Variants in SLC44A1 observed in about 807,000 individuals in gnomAD.
SLC44A1 encodes choline transporter-like protein 1.
In SLC44A1, 26 loss-of-function variants were observed where a neutral mutation model predicts 79.3. The ratio of observed to expected loss-of-function variants is 0.33; its 90% CI spans 0.24 to 0.46. The LOEUF (loss-of-function observed/expected upper bound fraction) is 0.46. Ranked by LOEUF, SLC44A1 falls within the 20% of genes least tolerant of loss-of-function variation. The pLI is 1.00. For missense variants in SLC44A1, 688 were observed against 798.1 expected (o/e 0.86, Z 1.66); for synonymous variants, 263 against 286.2 (o/e 0.92, Z 0.82).
chr9:105,375,706 T>G (rs1218042277), intron 13 of SLC44A1, among the ~76,000 whole-genome samples: 4 of 152,130 alleles, frequency 2.6e-5, no homozygotes, highest in African/African-American at 9.7e-5. Flanking sequence ...TATACTTTCC[T>G]TAGAAGTGTC....
chr9:105,308,470 G>A (rs180694503), intron 2 of SLC44A1, among the ~76,000 whole-genome samples: 2 of 152,190 alleles, frequency 1.3e-5, no homozygotes, highest in East Asian at 1.9e-4. Flanking sequence ...TTTTTACGAA[G>A]TATAGCTTCA....
chr9:105,272,427 G>A (rs1227108890), intron 1 of SLC44A1, among the ~76,000 whole-genome samples: 1 of 152,034 alleles, frequency 6.6e-6, no homozygotes, highest in Non-Finnish European at 1.5e-5. Flanking sequence ...AATCTTCAAT[G>A]CAGTGCTATG....
intron 15 of SLC44A1, among the ~76,000 whole-genome samples, chr9:105,411,528 C>G (rs1829095066): frequency 6.6e-6 from 1 of 150,376 alleles, no homozygotes; most frequent in African/African-American, 2.5e-5. Context: ...AGTTGTCCCA[C>G]TAATGTTCTT....
intron 1 of SLC44A1, among the ~76,000 whole-genome samples, chr9:105,276,058 G>T (rs570451451): frequency 1.3e-5 from 2 of 152,058 alleles, no homozygotes; most frequent in East Asian, 1.9e-4. Flanking sequence ...CGCCCACCTC[G>T]GTCTCCCAAA....
chr9:105,261,778 T>C lies in SLC44A1; in HGVS notation c.36+16874T>C, dbSNP rs1029639750. Among the ~76,000 whole-genome samples the C allele has an allele frequency of 4.1e-3, 535 of 131,562 alleles. 2 individuals are homozygous for C. The highest frequency in any genetic ancestry group is 0.017 in the African/African-American group (490 of 28,596). The allele number at this position is 131,562 out of a possible 152,430, so 86.3% of individuals were successfully genotyped here. A position where few individuals can be genotyped will look rare whatever the true frequency, so the allele number is the denominator to read the frequency against. Reference sequence around the variant, plus strand: ...GAATCTGTGTTTCTCTCTCTCTCTTTTTTTTTTTTTTTTTTTTTTGAGAGG... The same window carrying C: ...GAATCTGTGTTTCTCTCTCTCTCTTCTTTTTTTTTTTTTTTTTTTGAGAGG... On this transcript the variant is annotated intron_variant, in intron 1 of 15. Transcript: ENST00000374720.
chr9:105,291,065 A>G (rs1225742735), intron 1 of SLC44A1, among the ~76,000 whole-genome samples: 1 of 152,248 alleles, frequency 6.6e-6, no homozygotes, highest in Non-Finnish European at 1.5e-5. Context: ...AAATCCTATT[A>G]CAAGATTTTA....
At chr9:105,431,046 C>T (rs1381810605) in intron 15 of SLC44A1, among the ~76,000 whole-genome samples, 1 of 152,172 alleles carries the variant, frequency 6.6e-6, no homozygotes, top group Non-Finnish European at 1.5e-5. Context: ...TTCATACATT[C>T]ATATGATGAA....
At chr9:105,335,505 C>G in intron 3 of SLC44A1, 58 bp from the exon 4 acceptor site, 1 of 1,386,368 alleles carries the variant, frequency 7.2e-7, no homozygotes, top group African/African-American at 1.4e-5. Context: ...GTCAAATATG[C>G]AGGGACCCAC....
chr9:105,393,876 T>G lies in SLC44A1; in HGVS notation c.*4820T>G, dbSNP rs1256630450. ...CACGGAGCTCAGAATAATAAAGCTT[T>G]TATTAATGGTCTAGTGAAGATCTAG... On this transcript the variant is annotated 3_prime_UTR_variant, in exon 16 of 16. Transcript: ENST00000374720. The G allele has an allele frequency of 1.0e-6, 1 of 984,954 alleles. No individual in the cohort carries two copies. The highest frequency in any genetic ancestry group is 1.2e-6 in the Non-Finnish European group (1 of 829,570). The allele number at this position is 984,954 out of a possible 1,614,324, so 61.0% of individuals were successfully genotyped here. A position where few individuals can be genotyped will look rare whatever the true frequency, so the allele number is the denominator to read the frequency against.
At chr9:105,431,400 G>A (rs1829391954) in intron 15 of SLC44A1, among the ~76,000 whole-genome samples, 1 of 152,170 alleles carries the variant, frequency 6.6e-6, no homozygotes, top group African/African-American at 2.4e-5. Context: ...AGATATGTAG[G>A]TTTATTTCTA....
chr9:105,351,566 GA>G (rs1827415121), intron 5 of SLC44A1, among the ~76,000 whole-genome samples: 1 of 113,978 alleles, frequency 8.8e-6, no homozygotes. Flanking sequence ...GAGAGAAAGA[GA>G]GAAAGAGAGA....
chr9:105,286,958 T>C (rs1296062392), intron 1 of SLC44A1, among the ~76,000 whole-genome samples: 1 of 151,938 alleles, frequency 6.6e-6, no homozygotes, highest in Non-Finnish European at 1.5e-5. Flanking sequence ...AACAGGATTC[T>C]CTCTTTAAAA....
intron 3 of SLC44A1, 73 bp downstream of exon 3, chr9:105,309,939 C>A: frequency 6.8e-7 from 1 of 1,467,126 alleles, no homozygotes; most frequent in Non-Finnish European, 9.3e-7. Context: ...GCTGTTCTTG[C>A]TGTTTTAAAG....
intron 15 of SLC44A1, among the ~76,000 whole-genome samples, chr9:105,431,229 T>C (rs1300790598): frequency 6.6e-6 from 1 of 152,236 alleles, no homozygotes; most frequent in Non-Finnish European, 1.5e-5. Flanking sequence ...TTTTTATATG[T>C]CATATATGGA....
At chr9:105,320,431 A>G (rs1826357575) in intron 3 of SLC44A1, among the ~76,000 whole-genome samples, 1 of 151,786 alleles carries the variant, frequency 6.6e-6, no homozygotes, top group African/African-American at 2.4e-5. Flanking sequence ...AGGATGTTTA[A>G]CTTTATAAGA....
chr9:105,260,635 C>T (rs796998378), intron 1 of SLC44A1, among the ~76,000 whole-genome samples: 9 of 152,246 alleles, frequency 5.9e-5, no homozygotes, highest in South Asian at 2.1e-4. Flanking sequence ...CATTGTTTCT[C>T]AGATTAGTGA....
intron 3 of SLC44A1, among the ~76,000 whole-genome samples, chr9:105,321,209 T>C (rs1826383437): frequency 6.6e-6 from 1 of 152,202 alleles, no homozygotes; most frequent in Non-Finnish European, 1.5e-5. Flanking sequence ...CTTATGTTGA[T>C]ATATATGATT....
intron 4 of SLC44A1, 34 bp from the exon 5 acceptor site, chr9:105,348,324 G>C (rs372489597): frequency 8.4e-6 from 10 of 1,194,546 alleles, no homozygotes; most frequent in Non-Finnish European, 1.2e-5. Context: ...TTTTCAGACT[G>C]TTCTGCCACC....
At chr9:105,429,003 C>T (rs1829358206) in intron 15 of SLC44A1, among the ~76,000 whole-genome samples, 2 of 152,194 alleles carry the variant, frequency 1.3e-5, no homozygotes, top group South Asian at 2.1e-4. Flanking sequence ...CACACCCGGC[C>T]GGTTATTCAT....
Sources: allele counts gnomAD v4.1 joint callset (sites outside exome capture counted in the v4.1 genomes callset), GRCh38; gene constraint gnomAD v4.1.1; transcripts MANE v1.5; gene names NCBI Gene and HGNC (gene_info 2026-07-23, HGNC 2026-07-21).